The following NAALADL2 variants were observed in gnomAD, a reference collection of about 807,000 sequenced individuals.
NAALADL2 encodes the protein inactive N-acetylated-alpha-linked acidic dipeptidase-like protein 2.
A neutral mutation model predicts 87.2 loss-of-function variants in NAALADL2; 76 were observed. The ratio of observed to expected loss-of-function variants is 0.87; its 90% CI spans 0.72 to 1.05. NAALADL2 has a LOEUF of 1.05. Ranked by LOEUF, NAALADL2 falls within the 50% of genes least tolerant of loss-of-function variation. NAALADL2 has a pLI of 0.00. For missense variants in NAALADL2, 1,089 were observed against 945.8 expected (o/e 1.15, Z -1.99); for synonymous variants, 354 against 331.0 (o/e 1.07, Z -0.75).
At chr3:175,782,345 C>T (rs1361235172) in intron 13 of NAALADL2, among the ~76,000 whole-genome samples, 4 of 45,852 alleles carry the variant, frequency 8.7e-5, no homozygotes, top group Admixed American at 3.1e-4. Flanking sequence ...GTTCCTATTT[C>T]TCCACATCCT....
chr3:175,555,674 AAT>A (rs528244322), intron 9 of NAALADL2, among the ~76,000 whole-genome samples: 1 of 152,138 alleles, frequency 6.6e-6, no homozygotes, highest in Non-Finnish European at 1.5e-5. Context: ...AAAATATGAA[AAT>A]ATATATATAC....
In NAALADL2 at chr3:175,785,462, CCTT is replaced by C. The variant is rs1162929419; in HGVS notation, c.2190-17539_2190-17537del. Among the ~76,000 whole-genome samples, 4 of 124,490 alleles carry C rather than the reference CCTT, an allele frequency of 3.2e-5. No individual in the cohort carries two copies. The East Asian group carries it at 8.7e-4, about 27-fold the overall frequency. 81.7% of individuals were successfully genotyped at this position (124,490 alleles called of 152,430 possible). A position where few individuals can be genotyped will look rare whatever the true frequency, so the allele number is the denominator to read the frequency against. On this transcript the variant is annotated intron_variant, in intron 13 of 13. Coordinates refer to ENST00000454872, the MANE Select transcript of NAALADL2 (RefSeq NM_207015.3). ...TGATCCCTTTACCATTATGTAATGG[CCTT>C]CTTTGTCTCTTTTGATCTTTGTTGG...
At chr3:174,597,384 A>G (rs577711471) in intron 2 of NAALADL2, among the ~76,000 whole-genome samples, 11 of 152,284 alleles carry the variant, frequency 7.2e-5, no homozygotes, top group Non-Finnish European at 1.0e-4. Context: ...AACGTAAACT[A>G]TATCGTTTGC....
chr3:175,514,030 C>T (rs1731515934), intron 9 of NAALADL2, among the ~76,000 whole-genome samples: 2 of 152,156 alleles, frequency 1.3e-5, no homozygotes, highest in African/African-American at 4.8e-5. Context: ...CTTTCTCTTC[C>T]AAACGTATTG....
chr3:174,665,103 C>G (rs1268511200), intron 2 of NAALADL2, among the ~76,000 whole-genome samples: 1 of 152,148 alleles, frequency 6.6e-6, no homozygotes, highest in Non-Finnish European at 1.5e-5. Context: ...ACCATTGATG[C>G]AGTACTTCTC....
Position 175,439,094 on chromosome 3 carries a change from A to G in NAALADL2, c.1091-8135A>G, listed in dbSNP as rs1183808626. On this transcript the variant is annotated intron_variant, in intron 5 of 13. Coordinates refer to ENST00000454872, the MANE Select transcript of NAALADL2 (RefSeq NM_207015.3). ...TTCGCTACTACTTATGAGTGAGAAC[A>G]GATGATGTTTGGTTTTCCATTCCTA... 2.6e-5 allele frequency among the ~76,000 whole-genome samples: 4 copies of G among 152,198 alleles called. No homozygotes were observed. In the East Asian group the frequency reaches 7.7e-4, roughly 29 times the overall value.
At chr3:175,524,840 T>C (rs1006729559) in intron 9 of NAALADL2, among the ~76,000 whole-genome samples, 1 of 152,148 alleles carries the variant, frequency 6.6e-6, no homozygotes, top group African/African-American at 2.4e-5. Flanking sequence ...GTAAGATAGA[T>C]ACATGTAGCT....
intron 3 of NAALADL2, among the ~76,000 whole-genome samples, chr3:174,796,639 T>C (rs930051175): frequency 1.1e-5 from 1 of 89,212 alleles, no homozygotes; most frequent in African/African-American, 4.7e-5. Context: ...ACACTTAGGT[T>C]GATTCCATAT....
intron 2 of NAALADL2, among the ~76,000 whole-genome samples, chr3:174,729,833 T>C (rs1732542653): frequency 6.6e-6 from 1 of 152,030 alleles, no homozygotes; most frequent in South Asian, 2.1e-4. Flanking sequence ...TTCTCATTAT[T>C]TTTTAATGTG....
At position 175,810,458 on chromosome 3, in the gene NAALADL2, C is replaced by T. The variant is rs1251970152; in HGVS notation, c.*7255C>T. On this transcript the variant is annotated 3_prime_UTR_variant, in exon 14 of 14. Transcript: ENST00000454872. ...GGAAATGAAGGCACCATTTAACAAA[C>T]GTGTTCTGAATCATAATTTTCATGA... 1.3e-5 allele frequency: 2 copies of T among 151,996 alleles called. No homozygotes were observed. Among genetic ancestry groups the T allele is most frequent in the Admixed American group, 6.6e-5 (1 of 15,232 alleles). The allele number at this position is 151,996 out of a possible 1,614,324, so 9.4% of individuals were successfully genotyped here.
chr3:174,759,788 A>G (rs989777715), intron 3 of NAALADL2, among the ~76,000 whole-genome samples: 8 of 151,756 alleles, frequency 5.3e-5, no homozygotes, highest in Middle Eastern at 3.2e-3. Flanking sequence ...GCAACCTCCA[A>G]CTTCCAGGTT....
At chr3:175,683,069 A>G (rs1429311199) in intron 11 of NAALADL2, among the ~76,000 whole-genome samples, 2 of 152,078 alleles carry the variant, frequency 1.3e-5, no homozygotes, top group Admixed American at 6.6e-5. Context: ...GAGAGGTGAT[A>G]CAAGAAACAG....
intron 3 of NAALADL2, among the ~76,000 whole-genome samples, chr3:174,824,477 T>C (rs1049601086): frequency 2.6e-5 from 4 of 152,228 alleles, no homozygotes; most frequent in African/African-American, 9.6e-5. Flanking sequence ...ATATATCACA[T>C]TCCAAATATA....
intron 10 of NAALADL2, among the ~76,000 whole-genome samples, 188 bp from the exon 11 acceptor site, chr3:175,627,103 T>C (rs1727090449): frequency 6.6e-6 from 1 of 151,840 alleles, no homozygotes; most frequent in African/African-American, 2.4e-5. Flanking sequence ...AACAAGTTGA[T>C]GTGTCTGATC....
chr3:174,657,523 A>G (rs1188123503), intron 2 of NAALADL2, among the ~76,000 whole-genome samples: 1 of 152,150 alleles, frequency 6.6e-6, no homozygotes. Context: ...AGAGGAAGGC[A>G]TAGAGATATC....
intron 3 of NAALADL2, among the ~76,000 whole-genome samples, chr3:174,813,519 A>G (rs1393055340): frequency 1.3e-5 from 2 of 152,346 alleles, no homozygotes; most frequent in East Asian, 3.9e-4. Flanking sequence ...TATACCATGT[A>G]GTTTAGGTAG....
chr3:175,487,479 A>T (rs1465453444), intron 9 of NAALADL2: 3 of 454,826 alleles, frequency 6.6e-6, no homozygotes, highest in Non-Finnish European at 1.3e-5. Flanking sequence ...TTGCCCATCC[A>T]AAGCACTATC....
At chr3:174,677,324 T>G (rs1184106590) in intron 2 of NAALADL2, among the ~76,000 whole-genome samples, 1 of 152,090 alleles carries the variant, frequency 6.6e-6, no homozygotes, top group Admixed American at 6.6e-5. Flanking sequence ...CTCAACATTA[T>G]GTTCCTATGT....
intron 1 of NAALADL2, among the ~76,000 whole-genome samples, chr3:174,991,900 A>G (rs1345611751): frequency 6.6e-6 from 1 of 152,122 alleles, no homozygotes; most frequent in African/African-American, 2.4e-5. Flanking sequence ...GTCTTGATTG[A>G]AAATCCATAG....
Sources: gnomAD v4.1 joint callset for allele counts (sites outside exome capture counted in the v4.1 genomes callset) on GRCh38, gnomAD v4.1.1 for gene constraint, MANE v1.5 for transcripts, NCBI Gene and HGNC (gene_info 2026-07-23, HGNC 2026-07-21) for gene names.